KCMF1: variants seen among roughly 807,000 people sequenced by gnomAD.
KCMF1 encodes the protein E3 ubiquitin-protein ligase KCMF1.
KCMF1 carries 3 observed loss-of-function variants against 41.1 expected under a neutral mutation model. That is an observed-to-expected ratio of 0.07 (90% CI 0.03 to 0.19). The LOEUF is 0.19. Among genes scored for constraint, KCMF1 ranks in the 10% least tolerant of loss-of-function variants. KCMF1 has a pLI of 1.00. For missense variants in KCMF1, 286 were observed against 488.9 expected, an observed-to-expected ratio of 0.58 and a Z score of 3.91; for synonymous variants, 142 against 164.5, an observed-to-expected ratio of 0.86 and a Z score of 1.04.
chr2:85,029,097 G>A (rs1574033946), intron 2 of KCMF1, among the ~76,000 whole-genome samples: 1 of 152,068 alleles, frequency 6.6e-6, no homozygotes, highest in Non-Finnish European at 1.5e-5. Context: ...AGCCTCTTGA[G>A]TAGCTGAGAC....
chr2:85,046,306 A>C, intron 5 of KCMF1, 28 bp downstream of exon 5: 1 of 1,585,956 alleles, frequency 6.3e-7, no homozygotes, highest in Non-Finnish European at 8.6e-7. Context: ...TAATAAGGGA[A>C]ATGGCAGGGG....
Position 85,037,124 on chromosome 2 carries a change from G to A in KCMF1, c.324+1969G>A, listed in dbSNP as rs571282957. On this transcript the variant is annotated intron_variant, in intron 3 of 6. Transcript: ENST00000409785. ...TCATGGTCTGTTTCTTGTGAGTTGT[G>A]TTTATGCCTTCATTAAGTTTCCAGG... Among the ~76,000 whole-genome samples, 3 of 152,020 alleles carry A rather than the reference G, an allele frequency of 2.0e-5. No individual in the cohort carries two copies. The South Asian group carries it at 6.2e-4, about 32-fold the overall frequency.
chr2:85,058,030 G>A lies in KCMF1; in HGVS notation c.*4621G>A, dbSNP rs1675975980. The A allele has an allele frequency of 6.6e-6, 1 of 152,210 alleles. No individual in the cohort carries two copies. Among genetic ancestry groups the A allele is most frequent in the Non-Finnish European group, 1.5e-5 (1 of 68,054 alleles). The allele number at this position is 152,210 out of a possible 1,614,324, so 9.4% of individuals were successfully genotyped here. On this transcript the variant is annotated 3_prime_UTR_variant, in exon 7 of 7. Transcript: ENST00000409785. ...GAACCCTTAAGTCTGACTGTCCCAG[G>A]TAACTTTACTTGCTGTACAGATAGT... is the stretch of plus-strand genomic sequence containing the variant.
At chr2:84,993,377 A>G (rs539256733) in intron 1 of KCMF1, among the ~76,000 whole-genome samples, 1 of 152,228 alleles carries the variant, frequency 6.6e-6, no homozygotes, top group Admixed American at 6.5e-5. Context: ...ATCCACAGAT[A>G]GTGTCAACCT....
intron 3 of KCMF1, among the ~76,000 whole-genome samples, chr2:85,042,933 C>A (rs191558955): frequency 6.6e-6 from 1 of 152,318 alleles, no homozygotes; most frequent in Admixed American, 6.5e-5. Context: ...TGTTCTACTA[C>A]TCCTTGAGCC....
At chr2:84,980,474 G>T (rs1287344407) in intron 1 of KCMF1, among the ~76,000 whole-genome samples, 1 of 152,174 alleles carries the variant, frequency 6.6e-6, no homozygotes, top group African/African-American at 2.4e-5. Flanking sequence ...TGCCTTGTTA[G>T]GCACCTTCCA....
intron 1 of KCMF1, among the ~76,000 whole-genome samples, chr2:84,974,074 C>T (rs1212473928): frequency 1.3e-5 from 2 of 151,984 alleles, no homozygotes; most frequent in East Asian, 1.9e-4. Context: ...GTGATCCACC[C>T]GCCTTGGCCT....
intron 1 of KCMF1, among the ~76,000 whole-genome samples, chr2:84,973,863 CTG>C (rs1281273199): frequency 1.6e-5 from 2 of 127,010 alleles, no homozygotes; most frequent in South Asian, 2.7e-4. Context: ...GAGTCTCACT[CTG>C]TCACCAGGTT....
intron 4 of KCMF1, 33 bp from the exon 5 acceptor site, chr2:85,046,071 A>G (rs754732544): frequency 6.4e-7 from 1 of 1,567,404 alleles, no homozygotes; most frequent in Non-Finnish European, 8.7e-7. Context: ...TTTCTGTGAA[A>G]TACTTTCGTT....
At chr2:85,053,092 A>G (rs1424987804) in intron 6 of KCMF1, 56 bp from the exon 7 acceptor site, 1 of 1,496,956 alleles carries the variant, frequency 6.7e-7, no homozygotes, top group Non-Finnish European at 9.0e-7. Context: ...GAAATTGGCC[A>G]TGCCATTGTT....
At chr2:85,029,193 A>AACT in intron 2 of KCMF1, among the ~76,000 whole-genome samples, 1 of 151,500 alleles carries the variant, frequency 6.6e-6, no homozygotes, top group South Asian at 2.1e-4. Context: ...GCTGGTCTTG[A>AACT]CCTCAAGTTA....
At chr2:85,012,531 C>T (rs961172287) in intron 1 of KCMF1, among the ~76,000 whole-genome samples, 1 of 152,128 alleles carries the variant, frequency 6.6e-6, no homozygotes, top group African/African-American at 2.4e-5. Context: ...ATATCACTCT[C>T]AGTGATACAA....
intron 1 of KCMF1, among the ~76,000 whole-genome samples, chr2:85,006,938 A>G (rs940856972): frequency 6.6e-6 from 1 of 151,646 alleles, no homozygotes; most frequent in Non-Finnish European, 1.5e-5. Flanking sequence ...GAGAAACCCC[A>G]TCTCCACTAA....
Position 85,013,242 on chromosome 2 carries a change from T to C in KCMF1, c.17-14647T>C, listed in dbSNP as rs576270909. On this transcript the variant is annotated intron_variant, in intron 1 of 6. Coordinates refer to ENST00000409785, the MANE Select transcript of KCMF1 (RefSeq NM_020122.5). ...GCAAGTGCTCAAAAATTTTGGTTGC[T>C]AGAAATAGTAGTGTTAAGTCAATGA... Among the ~76,000 whole-genome samples the C allele has an allele frequency of 5.9e-5, 9 of 152,310 alleles. No homozygotes were observed. The East Asian group carries it at 1.5e-3, about 26-fold the overall frequency.
chr2:84,990,544 C>T (rs1017733811), intron 1 of KCMF1, among the ~76,000 whole-genome samples: 2 of 152,014 alleles, frequency 1.3e-5, no homozygotes, highest in Non-Finnish European at 2.9e-5. Context: ...TGCAGTGACT[C>T]ACTCCTGTAA....
intron 1 of KCMF1, among the ~76,000 whole-genome samples, chr2:84,989,708 A>G (rs1673990511): frequency 6.6e-6 from 1 of 152,170 alleles, no homozygotes; most frequent in African/African-American, 2.4e-5. Flanking sequence ...GGGCGTTGCC[A>G]TTCATCATGA....
At chr2:85,037,724 A>C (rs961784093) in intron 3 of KCMF1, among the ~76,000 whole-genome samples, 1 of 152,096 alleles carries the variant, frequency 6.6e-6, no homozygotes, top group African/African-American at 2.4e-5. Flanking sequence ...TCTGTTTGCT[A>C]TCTTGCTTTG....
chr2:84,994,237 C>A (rs981205313), intron 1 of KCMF1, among the ~76,000 whole-genome samples: 1 of 152,028 alleles, frequency 6.6e-6, no homozygotes. Context: ...CGTGAGCCAC[C>A]GCGCCCGGCC....
At chr2:85,034,891 G>A in intron 2 of KCMF1, 125 bp from the exon 3 acceptor site, 1 of 739,594 alleles carries the variant, frequency 1.4e-6, no homozygotes, top group South Asian at 2.2e-5. Context: ...CAACGTGCTG[G>A]GATTGCAGGC....
Sources: gnomAD v4.1 joint callset for allele counts (sites outside exome capture counted in the v4.1 genomes callset) on GRCh38, gnomAD v4.1.1 for gene constraint, MANE v1.5 for transcripts, NCBI Gene and HGNC (gene_info 2026-07-23, HGNC 2026-07-21) for gene names.